Variants in CELA1 observed in about 807,000 individuals in gnomAD.
CELA1 encodes chymotrypsin-like elastase family member 1.
Under a neutral mutation model 34.8 loss-of-function variants are expected in CELA1, and 28 were observed. The ratio of observed to expected loss-of-function variants is 0.80; its 90% CI spans 0.60 to 1.10. The LOEUF is 1.10. CELA1 is among the 50% of genes least tolerant of loss of function. The probability of loss-of-function intolerance (pLI) is 0.00; values close to 1 mark genes in which losing one functional copy is unlikely to be tolerated. For synonymous variants in CELA1, 140 were observed against 129.8 expected, an observed-to-expected ratio of 1.08 and a Z score of -0.53; for missense variants, 288 against 327.5, an observed-to-expected ratio of 0.88 and a Z score of 0.93.
In CELA1 at chr12:51,328,514, A is replaced by T. The variant is rs1453264784; in HGVS notation, c.*63T>A. ...CTTTCAGAATGTGTTTTACTTTTTG[A>T]TCGCAAGTCCTACTGCAGATCTAAG... is the stretch of plus-strand genomic sequence containing the variant. On this transcript the variant is annotated 3_prime_UTR_variant, in exon 8 of 8. Coordinates refer to ENST00000293636, the MANE Select transcript of CELA1 (RefSeq NM_001971.6). The T allele has an allele frequency of 4.5e-6, 7 of 1,558,744 alleles. No individual in the cohort carries two copies. Among genetic ancestry groups the T allele is most frequent in the Non-Finnish European group, 6.2e-6 (7 of 1,130,212 alleles).
intron 6 of CELA1, among the ~76,000 whole-genome samples, chr12:51,330,813 AC>A (rs1292127332): frequency 6.6e-6 from 1 of 151,460 alleles, no homozygotes; most frequent in Non-Finnish European, 1.5e-5. Flanking sequence ...TACTAAAAAT[AC>A]AAAAAATTAG....
intron 3 of CELA1, 22 bp from the exon 4 acceptor site, chr12:51,342,722 C>T (rs1946544881): frequency 4.3e-6 from 7 of 1,613,766 alleles, no homozygotes; most frequent in Non-Finnish European, 5.1e-6. Flanking sequence ...GAAGGAATCC[C>T]TGAGTCATCC....
intron 6 of CELA1, among the ~76,000 whole-genome samples, chr12:51,333,418 TA>T (rs1489063333): frequency 2.3e-5 from 3 of 128,384 alleles, no homozygotes; most frequent in African/African-American, 8.8e-5. Context: ...TTTTTTTTTT[TA>T]AGACAGAGCC....
At chr12:51,346,526 T>A (rs895057697) in intron 1 of CELA1, 97 bp downstream of exon 1, 15 of 1,220,610 alleles carry the variant, frequency 1.2e-5, no homozygotes, top group African/African-American at 3.0e-5. Flanking sequence ...GAAAATTTGC[T>A]GACCTTCCTG....
At chr12:51,329,646 G>A (rs1029311990) in intron 7 of CELA1, 38 bp downstream of exon 7, 1 of 1,567,838 alleles carries the variant, frequency 6.4e-7, no homozygotes, top group Middle Eastern at 1.9e-4. Context: ...TAGGTCTCCA[G>A]GTGACCCCAT....
chr12:51,329,131 A>G (rs1169614165), intron 7 of CELA1, among the ~76,000 whole-genome samples: 1 of 151,842 alleles, frequency 6.6e-6, no homozygotes, highest in Non-Finnish European at 1.5e-5. Flanking sequence ...GTGCATGCCT[A>G]TAATCCCAAC....
intron 4 of CELA1, among the ~76,000 whole-genome samples, chr12:51,342,055 T>G (rs1438781184): frequency 6.6e-6 from 1 of 152,304 alleles, no homozygotes; most frequent in East Asian, 1.9e-4. Context: ...CTCTTTTTCT[T>G]ATGAGACAGA....
rs752748096 is a variant in CELA1, at chr12:51,339,892, C to T, written c.577G>A (p.Ala193Thr). Reference sequence around the variant, plus strand: ...CCAGAGCGAACTCCATCTCCACCAGCACACACCATGGTGTTCTTCACAGTG... The same window carrying T: ...CCAGAGCGAACTCCATCTCCACCAGTACACACCATGGTGTTCTTCACAGTG... The part of the protein sequence containing the change: ...GSTVKNTMVC[A>T]GGDGVRSGCQ... The change falls in exon 6 of 8, where the codon GCT (alanine) becomes ACT (threonine). Residue 193 changes from alanine (A) to threonine (T), a missense_variant. Ala to Thr is a moderately conservative substitution (Grantham distance 58). Transcript: ENST00000293636. 1 of 1,614,104 alleles carries T rather than the reference C, an allele frequency of 6.2e-7. No homozygotes were observed. The highest frequency in any genetic ancestry group is 8.5e-7 in the Non-Finnish European group (1 of 1,180,010).
Position 51,339,997 on chromosome 12 carries a change from G to A in CELA1, c.472C>T (p.Gln158Ter). ...GCCTGCTGCAGGGTCTGGGCCAGCT[G>A]CCCATTGGCTGAACAGGACACACGG... is the stretch of plus-strand genomic sequence containing the variant. ...TGWGKTKTNG[Q>*]LAQTLQQAYL... The change falls in exon 6 of 8, where the codon CAG (glutamine) becomes TAG (stop). Residue 158 changes from glutamine to a stop codon, truncating the protein, a stop_gained. Transcript: ENST00000293636. LOFTEE classifies it high-confidence loss of function. 1 of 1,613,336 alleles carries A rather than the reference G, an allele frequency of 6.2e-7. No homozygotes were observed. The highest frequency in any genetic ancestry group is 8.5e-7 in the Non-Finnish European group (1 of 1,179,630).
chr12:51,337,511 T>C (rs1946506742), intron 6 of CELA1, among the ~76,000 whole-genome samples: 1 of 117,258 alleles, frequency 8.5e-6, no homozygotes, highest in Admixed American at 1.4e-4. Flanking sequence ...CACTCCAGCC[T>C]GAGTGACAGA....
chr12:51,331,249 C>T (rs950815213), intron 6 of CELA1, among the ~76,000 whole-genome samples: 7 of 151,940 alleles, frequency 4.6e-5, no homozygotes, highest in African/African-American at 1.7e-4. Context: ...ATTAGCCGGG[C>T]GTGGTGGTAC....
rs17860345 is a variant in CELA1 at position 51,333,050 on chromosome 12, C to T, written c.610-3217G>A. 1.4e-4 allele frequency among the ~76,000 whole-genome samples: 21 copies of T among 151,814 alleles called. No individual in the cohort carries two copies. In the South Asian group the frequency reaches 2.3e-3, roughly 17 times the overall value. On this transcript the variant is annotated intron_variant, in intron 6 of 7. Coordinates refer to ENST00000293636, the MANE Select transcript of CELA1 (RefSeq NM_001971.6). Reference sequence around the variant, plus strand: ...GTTCAGGTGATTCTCCTGCCTCAGCCGCCTGAGTAGCTGGGAGTATAGATG... The same window carrying T: ...GTTCAGGTGATTCTCCTGCCTCAGCTGCCTGAGTAGCTGGGAGTATAGATG...
rs11410624 is a variant in CELA1, at chr12:51,335,629, CT to C, written c.609+4230del. ...AGCTACCAGACTTTTTTTGTTCTTC[CT>C]TTTTTTTTTTTTTTGTCCTCTTTTG... On this transcript the variant is annotated intron_variant, in intron 6 of 7. Coordinates refer to ENST00000293636, the MANE Select transcript of CELA1 (RefSeq NM_001971.6). Among the ~76,000 whole-genome samples, 1,461 of 135,292 alleles carry C rather than the reference CT, an allele frequency of 0.011. 39 individuals carry two copies. In the East Asian group the frequency reaches 0.13, roughly 12 times the overall value. 88.8% of individuals were successfully genotyped at this position (135,292 alleles called of 152,430 possible). A position where few individuals can be genotyped will look rare whatever the true frequency, so the allele number is the denominator to read the frequency against.
At chr12:51,345,621 C>A (rs1946561075) in intron 2 of CELA1, among the ~76,000 whole-genome samples, 174 bp downstream of exon 2, 1 of 152,192 alleles carries the variant, frequency 6.6e-6, no homozygotes, top group African/African-American at 2.4e-5. Context: ...CTCCTCCAAG[C>A]CTTTTGCATT....
At chr12:51,345,949 G>T in intron 1 of CELA1, 72 bp from the exon 2 acceptor site, 1 of 1,059,130 alleles carries the variant, frequency 9.4e-7, no homozygotes, top group Non-Finnish European at 1.4e-6. Context: ...GGGGGGTGGC[G>T]ATTGTGCTTT....
In CELA1 at chr12:51,339,868, C is replaced by T; in HGVS notation, c.601G>A (p.Gly201Arg). 2 of 1,612,976 alleles carry T rather than the reference C, an allele frequency of 1.2e-6. No individual in the cohort carries two copies. Among genetic ancestry groups the T allele is most frequent in the South Asian group, 1.1e-5 (1 of 90,928 alleles). Residue 201 changes from glycine to arginine, a missense_variant, in exon 6 of 8, where the codon GGA (glycine) becomes AGA (arginine). Coordinates refer to ENST00000293636, the MANE Select transcript of CELA1 (RefSeq NM_001971.6). ...VCAGGDGVRS[G>R]CQGDSGGPLH... ...CCCCTGCAAATGTTCACCTGGCATC[C>T]AGAGCGAACTCCATCTCCACCAGCA... is the stretch of plus-strand genomic sequence containing the variant.
At chr12:51,342,763 G>T in intron 3 of CELA1, 63 bp from the exon 4 acceptor site, 2 of 1,529,648 alleles carry the variant, frequency 1.3e-6, no homozygotes, top group East Asian at 2.3e-5. Flanking sequence ...ACCCCACTTA[G>T]AGAAAAGTTG....
intron 2 of CELA1, 109 bp downstream of exon 2, chr12:51,345,686 A>G: frequency 1.2e-6 from 1 of 844,906 alleles, no homozygotes; most frequent in East Asian, 2.7e-5. Flanking sequence ...AACCTAGACA[A>G]TTGGAGAGCT....
chr12:51,336,156 A>C (rs1946498647), intron 6 of CELA1, among the ~76,000 whole-genome samples: 3 of 152,124 alleles, frequency 2.0e-5, no homozygotes, highest in Admixed American at 2.0e-4. Context: ...TCTTACATCT[A>C]CTTCTCCTTT....
Sources: gnomAD v4.1 joint callset for allele counts (sites outside exome capture counted in the v4.1 genomes callset) on GRCh38, gnomAD v4.1.1 for gene constraint, MANE v1.5 for transcripts, NCBI Gene and HGNC (gene_info 2026-07-23, HGNC 2026-07-21) for gene names.